GPRC5C: variants seen among roughly 807,000 people sequenced by gnomAD.
The protein encoded by GPRC5C is G protein-coupled receptor family C group 5 member C.
Under a neutral mutation model 31.4 loss-of-function variants are expected in GPRC5C, and 22 were observed. The observed-to-expected ratio is 0.70, with a 90% CI of 0.50 to 1.00. The LOEUF is 1.00. GPRC5C is among the 50% of genes least tolerant of loss of function. The pLI is 0.00. For synonymous variants in GPRC5C, 249 were observed against 257.5 expected, an observed-to-expected ratio of 0.97 and a Z score of 0.32; for missense variants, 557 against 597.2, an observed-to-expected ratio of 0.93 and a Z score of 0.70.
At chr17:74,444,085 A>G (rs2891033) in intron 3 of GPRC5C, among the ~76,000 whole-genome samples, 173 bp downstream of exon 3, 2 of 152,076 alleles carry the variant, frequency 1.3e-5, no homozygotes, top group Admixed American at 1.3e-4. Flanking sequence ...CAGTTCTTAA[A>G]TTCCTTGTCC....
At chr17:74,432,470 G>T (rs2055368264) in intron 1 of GPRC5C, 2 of 1,066,294 alleles carry the variant, frequency 1.9e-6, no homozygotes, top group African/African-American at 1.7e-5. Context: ...CCCCGCCTGG[G>T]GCTGGAGTTG....
At position 74,439,843 on chromosome 17, in the gene GPRC5C, G is replaced by A. The variant is rs562285229; in HGVS notation, c.67G>A (p.Ala23Thr). 1.9e-6 allele frequency: 3 copies of A among 1,613,490 alleles called. No homozygotes were observed. The East Asian group carries it at 6.7e-5, about 36-fold the overall frequency. ...LPLFLFPGAWAQGHVPPGCSQ... is the reference protein window; with the variant it reads ...LPLFLFPGAWTQGHVPPGCSQ... ...TCTCTTCCTGTTCCCAGGGGCCTGG[G>A]CCCAGGGCCATGTCCCACCCGGCTG... The change falls in exon 2 of 4, where the codon GCC becomes ACC. Residue 23 changes from alanine to threonine, a missense_variant. Transcript: ENST00000392627.
chr17:74,451,367 T>C (rs1356305804), downstream of GPRC5C: 3 of 152,176 alleles, frequency 2.0e-5, no homozygotes, highest in African/African-American at 7.2e-5. Flanking sequence ...CTGCCTGTAT[T>C]CAGGAGTACC....
Position 74,439,941 on chromosome 17 carries a change from C to A in GPRC5C, c.165C>A (p.Ala55=), listed in dbSNP as rs747444957. ...RSGAWGIVLE[A]VAGAGIVTTF... is the part of the protein sequence containing the mutation. ...GGGCGTGGGGCATCGTCCTGGAGGC[C>A]GTGGCTGGGGCGGGCATTGTCACCA... Residue 55 remains alanine, a synonymous_variant, in exon 2 of 4, where the codon GCC becomes GCA. Coordinates refer to ENST00000392627, the MANE Select transcript of GPRC5C (RefSeq NM_022036.4). The A allele has an allele frequency of 6.2e-7, 1 of 1,611,304 alleles. No homozygotes were observed. The highest frequency in any genetic ancestry group is 1.3e-5 in the African/African-American group (1 of 74,916).
At chr17:74,434,404 A>T (rs1333499239) in intron 1 of GPRC5C, among the ~76,000 whole-genome samples, 1 of 152,206 alleles carries the variant, frequency 6.6e-6, no homozygotes, top group Non-Finnish European at 1.5e-5. Flanking sequence ...CAGGCACAGC[A>T]CCAGCTGTGG....
At chr17:74,444,999 C>T (rs756107650) in intron 3 of GPRC5C, among the ~76,000 whole-genome samples, 10 of 152,140 alleles carry the variant, frequency 6.6e-5, no homozygotes, top group Non-Finnish European at 1.3e-4. Context: ...CCTGTAATCC[C>T]AGTACTTTGA....
chr17:74,443,909 T>G lies in GPRC5C; in HGVS notation c.1143T>G (p.Val381=). The G allele has an allele frequency of 6.2e-7, 1 of 1,606,500 alleles. No homozygotes were observed. The highest frequency in any genetic ancestry group is 1.1e-5 in the South Asian group (1 of 90,770). ...CTGAGATGGCCCTGATGCACAAAGT[T>G]CCGGTAAGTGGGTTCCCCAGGTCCC... is the stretch of plus-strand genomic sequence containing the variant. ...QPTEMALMHK[V]PSEGAYDIIL... The change falls in exon 3 of 4, where the codon GTT becomes GTG. Residue 381 remains valine, a synonymous_variant. Coordinates refer to ENST00000392627, the MANE Select transcript of GPRC5C (RefSeq NM_022036.4).
At chr17:74,443,683 T>G in intron 2 of GPRC5C, 135 bp from the exon 3 acceptor site, 22 of 764,968 alleles carry the variant, frequency 2.9e-5, no homozygotes, top group East Asian at 8.1e-5. Context: ...CACTCCTGGG[T>G]TAGAGACTAT....
At chr17:74,439,384 G>A (rs1179055070) in intron 1 of GPRC5C, among the ~76,000 whole-genome samples, 2 of 152,194 alleles carry the variant, frequency 1.3e-5, no homozygotes, top group African/African-American at 4.8e-5. Flanking sequence ...TGGGTGGGTG[G>A]TATGCTTGGT....
rs199581365 is a variant in GPRC5C, at chr17:74,440,463, C to A, written c.687C>A (p.Pro229=). ...LLLGAFLGAW[P]ALCGRYKRWR... ...TGGGTGCCTTCCTGGGGGCCTGGCC[C>A]GCCCTGTGTGGCCGCTACAAGCGCT... Residue 229 remains proline, a synonymous_variant, in exon 2 of 4, where the codon CCC becomes CCA. Transcript: ENST00000392627. The surrounding 1 kb of genome is among the most constrained non-coding windows in gnomAD (Gnocchi z 4.4). 8 of 1,614,114 alleles carry A rather than the reference C, an allele frequency of 5.0e-6. No homozygotes were observed. Among genetic ancestry groups the A allele is most frequent in the Non-Finnish European group, 5.1e-6 (6 of 1,180,024 alleles).
intron 3 of GPRC5C, among the ~76,000 whole-genome samples, chr17:74,444,381 A>T (rs529978288): frequency 6.6e-6 from 1 of 152,210 alleles, no homozygotes; most frequent in African/African-American, 2.4e-5. Flanking sequence ...CCTCTCTGGC[A>T]GGCAGCAAGT....
chr17:74,437,535 T>A (rs2055450391), intron 1 of GPRC5C, among the ~76,000 whole-genome samples: 1 of 152,182 alleles, frequency 6.6e-6, no homozygotes, highest in Non-Finnish European at 1.5e-5. Flanking sequence ...ACTTTGAAAA[T>A]GGATCCTCTT....
chr17:74,450,419 C>T (rs946488777), downstream of GPRC5C: 2 of 152,306 alleles, frequency 1.3e-5, no homozygotes, highest in Non-Finnish European at 2.9e-5. Flanking sequence ...ACCAGATGAA[C>T]TGGAGTCTAG....
At position 74,445,993 on chromosome 17, in the gene GPRC5C, C is replaced by CCCA. The variant is rs1555634017; in HGVS notation, c.1147-854_1147-853insACC. ...TGGCAACGTAGTGAGACCCCCCCCCCCCGCCCACCATCTCTACAAAAAAAA... is the reference window on the plus strand; with the variant it reads ...TGGCAACGTAGTGAGACCCCCCCCCCCCACCGCCCACCATCTCTACAAAAAAAA... On this transcript the variant is annotated intron_variant, in intron 3 of 3. Coordinates refer to ENST00000392627, the MANE Select transcript of GPRC5C (RefSeq NM_022036.4). 1.2e-3 allele frequency: 108 copies of CCCA among 92,534 alleles called. 7 individuals carry two copies. Among genetic ancestry groups the CCCA allele is most frequent in the African/African-American group, 6.4e-3 (95 of 14,756 alleles). 5.7% of individuals were successfully genotyped at this position (92,534 alleles called of 1,614,324 possible).
chr17:74,433,785 G>A, intron 1 of GPRC5C: 2 of 1,549,786 alleles, frequency 1.3e-6, no homozygotes, highest in East Asian at 2.2e-5. Context: ...TTGGCCCTGT[G>A]ACGCGCTGGA....
At position 74,440,459 on chromosome 17, in the gene GPRC5C, G is replaced by A; in HGVS notation, c.683G>A (p.Trp228Ter). 6.2e-7 allele frequency: 1 copy of A among 1,614,122 alleles called. No homozygotes were observed. Among genetic ancestry groups the A allele is most frequent in the Non-Finnish European group, 8.5e-7 (1 of 1,180,026 alleles). ...LLLLGAFLGA[W>*]PALCGRYKRW... The stretch of plus-strand genomic sequence containing the variant: ...CTGCTGGGTGCCTTCCTGGGGGCCT[G>A]GCCCGCCCTGTGTGGCCGCTACAAG... The change falls in exon 2 of 4, where the codon TGG (tryptophan) becomes TAG (stop). Residue 228 changes from tryptophan (W) to a stop codon, truncating the protein, a stop_gained. Coordinates refer to ENST00000392627, the MANE Select transcript of GPRC5C (RefSeq NM_022036.4). LOFTEE classifies it high-confidence loss of function. This position sits in a 1 kb window ranked among gnomAD's most constrained non-coding sequence, Gnocchi z 4.4.
In GPRC5C at chr17:74,433,606, G is replaced by T. The variant is rs1435466605; in HGVS notation, c.-33+1465G>T. On this transcript the variant is annotated intron_variant, in intron 1 of 3. Transcript: ENST00000392627. ...CTGGGAGAGACCGATAGGAGTGGAG[G>T]CAGGAAGGCTGTCAGTCGGGCCATC... 4.7e-5 allele frequency: 44 copies of T among 944,988 alleles called. 1 individual carries two copies. The Admixed American group carries it at 7.5e-4, about 16-fold the overall frequency. The allele number at this position is 944,988 out of a possible 1,614,324, so 58.5% of individuals were successfully genotyped here.
intron 1 of GPRC5C, among the ~76,000 whole-genome samples, chr17:74,437,900 G>A (rs2055457804): frequency 6.6e-6 from 1 of 152,090 alleles, no homozygotes; most frequent in Non-Finnish European, 1.5e-5. Context: ...TTCCCAGAGA[G>A]TTCCTGATGA....
Position 74,440,289 on chromosome 17 carries a change from T to C in GPRC5C, c.513T>C (p.Asn171=). The C allele has an allele frequency of 1.2e-6, 2 of 1,614,112 alleles. No individual in the cohort carries two copies. Among genetic ancestry groups the C allele is most frequent in the South Asian group, 2.2e-5 (2 of 91,082 alleles). ...LLLTLVEVII[N]TEWLIITLVR... is the part of the protein sequence containing the mutation. ...TGACCCTGGTAGAGGTCATCATCAA[T>C]ACAGAGTGGCTGATCATCACCCTGG... is the stretch of plus-strand genomic sequence containing the variant. The change falls in exon 2 of 4, where the codon AAT becomes AAC. Residue 171 remains asparagine (N), a synonymous_variant. Transcript: ENST00000392627. This position sits in a 1 kb window ranked among gnomAD's most constrained non-coding sequence, Gnocchi z 4.4.
Sources: gnomAD v4.1 joint callset for allele counts (sites outside exome capture counted in the v4.1 genomes callset) on GRCh38, gnomAD v4.1.1 for gene constraint, Gnocchi (gnomAD v3.1) non-coding constraint, MANE v1.5 for transcripts, NCBI Gene and HGNC (gene_info 2026-07-23, HGNC 2026-07-21) for gene names.